RFFL: variants seen among roughly 807,000 people sequenced by gnomAD.
The protein encoded by RFFL is E3 ubiquitin-protein ligase rififylin.
Under a neutral mutation model 40.4 loss-of-function variants are expected in RFFL, and 16 were observed. The observed-to-expected ratio is 0.40, with a 90% confidence interval of 0.27 to 0.60. The LOEUF is 0.60. RFFL is among the 20% of genes least tolerant of loss of function. RFFL has a pLI of 0.47. For synonymous variants in RFFL, 154 were observed against 167.9 expected, an observed-to-expected ratio of 0.92 and a Z score of 0.64; for missense variants, 367 against 451.7, an observed-to-expected ratio of 0.81 and a Z score of 1.70.
intron 1 of RFFL, among the ~76,000 whole-genome samples, chr17:35,052,367 C>A (rs1392227655): frequency 6.6e-6 from 1 of 152,186 alleles, no homozygotes; most frequent in East Asian, 1.9e-4. Flanking sequence ...AATCACCAGT[C>A]AATTCCTATG....
chr17:35,047,437 C>T (rs905356144), intron 1 of RFFL, among the ~76,000 whole-genome samples: 1 of 152,058 alleles, frequency 6.6e-6, no homozygotes, highest in Non-Finnish European at 1.5e-5. Context: ...TAAAATAACG[C>T]ATGTCAAAGC....
chr17:35,045,604 G>C (rs12709494), intron 1 of RFFL, among the ~76,000 whole-genome samples: 3,271 of 152,074 alleles, frequency 0.022, 118 homozygotes, highest in African/African-American at 0.074. Context: ...AACAAGAGTA[G>C]GTCTATTTCA....
Position 35,024,500 on chromosome 17 carries a change from G to A in RFFL, c.180+1874C>T, listed in dbSNP as rs117014945. 6.8e-3 allele frequency among the ~76,000 whole-genome samples: 1,042 copies of A among 152,258 alleles called. 9 individuals are homozygous for A. The highest frequency in any genetic ancestry group is 9.4e-3 in the Non-Finnish European group (637 of 68,022). On this transcript the variant is annotated intron_variant, in intron 2 of 6. Coordinates refer to ENST00000394597, the MANE Select transcript of RFFL (RefSeq NM_001017368.2). ...GTCAGGGTCGCTGCTAAACCACAGG[G>A]AGGTATTACCAATAGAGATGGGGTA... is the stretch of plus-strand genomic sequence containing the variant.
intron 1 of RFFL, among the ~76,000 whole-genome samples, chr17:35,056,573 C>T (rs764698972): frequency 1.3e-5 from 2 of 151,980 alleles, no homozygotes; most frequent in Admixed American, 6.6e-5. Context: ...GACGGGATTT[C>T]TCCATGTTGG....
At chr17:35,037,167 C>T (rs1175177357) in intron 1 of RFFL, among the ~76,000 whole-genome samples, 1 of 152,158 alleles carries the variant, frequency 6.6e-6, no homozygotes, top group Non-Finnish European at 1.5e-5. Context: ...TGCCCCCAAA[C>T]CTTAAAGAAA....
rs2091039561 is a variant in RFFL at position 35,026,227 on chromosome 17, T to C, written c.180+147A>G. ...CTTTTGCTTTTACTCAGTTAGTTCTTCTTGAACATTTTTGTGAAAGGGACA... is the reference window on the plus strand; with the variant it reads ...CTTTTGCTTTTACTCAGTTAGTTCTCCTTGAACATTTTTGTGAAAGGGACA... On this transcript the variant is annotated intron_variant, in intron 2 of 6. Coordinates refer to ENST00000394597, the MANE Select transcript of RFFL (RefSeq NM_001017368.2). 4.0e-6 allele frequency: 3 copies of C among 759,152 alleles called. No individual in the cohort carries two copies. The East Asian group carries it at 8.8e-5, about 22-fold the overall frequency. The allele number at this position is 759,152 out of a possible 1,614,324, so 47.0% of individuals were successfully genotyped here. A position where few individuals can be genotyped will look rare whatever the true frequency, so the allele number is the denominator to read the frequency against.
upstream of RFFL, among the ~76,000 whole-genome samples, chr17:35,064,294 T>C (rs543404987): frequency 4.6e-5 from 7 of 152,242 alleles, no homozygotes; most frequent in Non-Finnish European, 8.8e-5. Flanking sequence ...CTGGAATTTT[T>C]TTTTTTTAAT....
chr17:35,020,146 G>A (rs989125702), intron 3 of RFFL, among the ~76,000 whole-genome samples: 2 of 152,152 alleles, frequency 1.3e-5, no homozygotes, highest in Non-Finnish European at 2.9e-5. Flanking sequence ...TTTCATTGTT[G>A]TAGGCTCAAC....
intron 1 of RFFL, among the ~76,000 whole-genome samples, chr17:35,028,953 G>T (rs937805288): frequency 6.6e-6 from 1 of 151,954 alleles, no homozygotes; most frequent in African/African-American, 2.4e-5. Context: ...TAACCCCCAC[G>T]ACAACAGGGA....
At chr17:35,058,654 C>G (rs1048583921) in intron 1 of RFFL, among the ~76,000 whole-genome samples, 1 of 152,024 alleles carries the variant, frequency 6.6e-6, no homozygotes, top group African/African-American at 2.4e-5. Flanking sequence ...AACTGTAATC[C>G]CAGCTACTCA....
intron 1 of RFFL, among the ~76,000 whole-genome samples, chr17:35,056,225 G>C (rs1316484532): frequency 6.6e-6 from 1 of 152,068 alleles, no homozygotes; most frequent in Admixed American, 6.6e-5. Flanking sequence ...CTGCAAGCGT[G>C]GTAGCCTGAC....
chr17:35,064,261 G>A (rs958235851), upstream of RFFL, among the ~76,000 whole-genome samples: 1 of 151,558 alleles, frequency 6.6e-6, no homozygotes, highest in African/African-American at 2.4e-5. Context: ...GACAACTCAA[G>A]TTCTCTCATT....
At chr17:35,058,497 G>A (rs1003818090) in intron 1 of RFFL, among the ~76,000 whole-genome samples, 2 of 152,222 alleles carry the variant, frequency 1.3e-5, no homozygotes, top group Non-Finnish European at 2.9e-5. Context: ...GGTAGGCCAG[G>A]TGCGGTGGCT....
intron 1 of RFFL, among the ~76,000 whole-genome samples, chr17:35,057,189 G>C (rs1419065595): frequency 6.6e-6 from 1 of 152,046 alleles, no homozygotes; most frequent in Non-Finnish European, 1.5e-5. Flanking sequence ...AAAGTGCTAG[G>C]ATTACAGGTG....
chr17:35,025,563 G>C (rs916640673), intron 2 of RFFL, among the ~76,000 whole-genome samples: 1 of 152,166 alleles, frequency 6.6e-6, no homozygotes, highest in Non-Finnish European at 1.5e-5. Context: ...ATAGCAGATG[G>C]TTTAAAAGTA....
intron 1 of RFFL, among the ~76,000 whole-genome samples, chr17:35,072,996 T>C (rs1422458137): frequency 6.6e-6 from 1 of 151,172 alleles, no homozygotes; most frequent in East Asian, 1.9e-4. Context: ...TGAGCTGAGA[T>C]TGTGCCATTT....
chr17:35,035,696 TA>T (rs2091117161), intron 1 of RFFL, among the ~76,000 whole-genome samples: 1 of 149,446 alleles, frequency 6.7e-6, no homozygotes, highest in South Asian at 2.1e-4. Context: ...TATATATGTA[TA>T]TATATATAAA....
chr17:35,084,282 G>C (rs1415729300), intron 1 of RFFL, among the ~76,000 whole-genome samples: 1 of 152,044 alleles, frequency 6.6e-6, no homozygotes, highest in Non-Finnish European at 1.5e-5. Flanking sequence ...TGAAAATAAA[G>C]ATGCAAGGGA....
At chr17:35,040,105 C>G (rs963457157) in intron 1 of RFFL, among the ~76,000 whole-genome samples, 3 of 152,190 alleles carry the variant, frequency 2.0e-5, no homozygotes. Context: ...ACTTCTCTAT[C>G]CTCATCTTAA....
Sources: allele counts gnomAD v4.1 joint callset (sites outside exome capture counted in the v4.1 genomes callset), GRCh38; gene constraint gnomAD v4.1.1; transcripts MANE v1.5; gene names NCBI Gene and HGNC (gene_info 2026-07-23, HGNC 2026-07-21).